The following ASAP2 variants were observed in gnomAD, a reference collection of about 807,000 sequenced individuals.
ASAP2 encodes arf-GAP with SH3 domain, ANK repeat and PH domain-containing protein 2.
Under a neutral mutation model 131.4 loss-of-function variants are expected in ASAP2, and 45 were observed. The observed-to-expected ratio is 0.34, with a 90% CI of 0.27 to 0.44. ASAP2 has a LOEUF of 0.44. ASAP2 is among the 20% of genes least tolerant of loss of function. ASAP2 has a pLI of 1.00. For missense variants in ASAP2, 1,011 were observed against 1,297.0 expected (o/e 0.78, Z 3.39); for synonymous variants, 510 against 503.0 (o/e 1.01, Z -0.19).
Position 9,297,388 on chromosome 2 carries a change from T to C in ASAP2, c.288T>C (p.Ser96=), listed in dbSNP as rs1668214756. 6.2e-7 allele frequency: 1 copy of C among 1,614,040 alleles called. No individual in the cohort carries two copies. ...CVCRDDPDLG[S]AFLKFSVFTK... The stretch of plus-strand genomic sequence containing the variant: ...GCAGAGATGACCCAGATTTAGGAAG[T>C]GCGTTCCTGAAGTTCTCAGTGTTTA... The change falls in exon 3 of 28, where the codon AGT becomes AGC. Residue 96 remains serine, a synonymous_variant. Coordinates refer to ENST00000281419, the MANE Select transcript of ASAP2 (RefSeq NM_003887.3).
intron 3 of ASAP2, among the ~76,000 whole-genome samples, chr2:9,310,431 G>A (rs754730540): frequency 2.0e-5 from 3 of 152,232 alleles, no homozygotes. Flanking sequence ...GCCCTGGGAA[G>A]ACCTGTTATT....
chr2:9,326,949 G>A lies in ASAP2; in HGVS notation c.601-877G>A, dbSNP rs914671201. 3.2e-4 allele frequency among the ~76,000 whole-genome samples: 48 copies of A among 152,178 alleles called. 1 individual carries two copies. Among genetic ancestry groups the A allele is most frequent in the African/African-American group, 1.1e-3 (46 of 41,530 alleles). ...AATTTCTAGGTCAAAATGTACATAC[G>A]TTTAAAAATTTGATACATTACCAAA... On this transcript the variant is annotated intron_variant, in intron 6 of 27. Transcript: ENST00000281419.
At chr2:9,296,136 T>C (rs1274215202) in intron 2 of ASAP2, among the ~76,000 whole-genome samples, 1 of 152,250 alleles carries the variant, frequency 6.6e-6, no homozygotes, top group Non-Finnish European at 1.5e-5. Context: ...ACCGCAGGTC[T>C]GGCTGCCCTG....
chr2:9,356,461 C>A, intron 14 of ASAP2, 116 bp downstream of exon 14: 1 of 1,208,264 alleles, frequency 8.3e-7, no homozygotes, highest in Non-Finnish European at 1.1e-6. Context: ...AAGTGCAGCT[C>A]AGCCTGAGTT....
At chr2:9,270,850 T>C (rs2666211) in intron 1 of ASAP2, among the ~76,000 whole-genome samples, 132,960 of 141,238 alleles carry the variant, frequency 0.94, 62,885 homozygotes, top group Non-Finnish European at 0.99. Flanking sequence ...TGGAGTGCAG[T>C]GGCGCGATCT....
intron 1 of ASAP2, among the ~76,000 whole-genome samples, chr2:9,241,139 A>G (rs928685314): frequency 1.3e-5 from 2 of 152,236 alleles, no homozygotes; most frequent in African/African-American, 2.4e-5. Context: ...AGAGGGTAGT[A>G]CTGTATCTGG....
At chr2:9,276,322 G>A (rs1027237298) in intron 1 of ASAP2, among the ~76,000 whole-genome samples, 5 of 152,202 alleles carry the variant, frequency 3.3e-5, no homozygotes, top group African/African-American at 1.2e-4. Flanking sequence ...GAAGACAGCA[G>A]GGGGAGGGGG....
intron 1 of ASAP2, among the ~76,000 whole-genome samples, chr2:9,266,526 G>A (rs542266282): frequency 6.6e-6 from 1 of 152,236 alleles, no homozygotes; most frequent in South Asian, 2.1e-4. Context: ...GCGTCTGCAT[G>A]TACACAGGCC....
At position 9,327,805 on chromosome 2, in the gene ASAP2, T is replaced by A. The variant is rs73148715; in HGVS notation, c.601-21T>A. On this transcript the variant is annotated intron_variant, in intron 6 of 27. Coordinates refer to ENST00000281419, the MANE Select transcript of ASAP2 (RefSeq NM_003887.3). Reference sequence around the variant, plus strand: ...CGTATTCTGCTTACTTCCATGACATTTCCTTTTCATTGTTCAACAGTATCT... The same window carrying A: ...CGTATTCTGCTTACTTCCATGACATATCCTTTTCATTGTTCAACAGTATCT... 5,729 of 1,562,912 alleles carry A rather than the reference T, an allele frequency of 3.7e-3. 192 individuals are homozygous for A. In the African/African-American group the frequency reaches 0.069, roughly 19 times the overall value.
chr2:9,322,254 C>T (rs1214851970), intron 5 of ASAP2, among the ~76,000 whole-genome samples: 1 of 152,192 alleles, frequency 6.6e-6, no homozygotes, highest in African/African-American at 2.4e-5. Context: ...TTTCTTGCCT[C>T]TTCTTAAACA....
At chr2:9,235,226 GT>G (rs1663461487) in intron 1 of ASAP2, among the ~76,000 whole-genome samples, 1 of 152,200 alleles carries the variant, frequency 6.6e-6, no homozygotes, top group African/African-American at 2.4e-5. Flanking sequence ...AACCTGATGA[GT>G]TAGATGACCT....
At chr2:9,353,034 G>T (rs573027241) in intron 12 of ASAP2, among the ~76,000 whole-genome samples, 4 of 152,216 alleles carry the variant, frequency 2.6e-5, no homozygotes, top group Admixed American at 6.5e-5. Context: ...GCAGGGGTAT[G>T]TGGGTTTGGG....
Position 9,392,550 on chromosome 2 carries a change from G to A in ASAP2, c.2519-932G>A, listed in dbSNP as rs1420019492. ...AAGGCGAACACACCAAAGGCCAGAA[G>A]GAACCACTTTCCTGCCTCTCCGTCT... On this transcript the variant is annotated intron_variant, in intron 23 of 27. Coordinates refer to ENST00000281419, the MANE Select transcript of ASAP2 (RefSeq NM_003887.3). The surrounding 1 kb of genome is among the most constrained non-coding windows in gnomAD (Gnocchi z 4.0). Among the ~76,000 whole-genome samples, 2 of 152,222 alleles carry A rather than the reference G, an allele frequency of 1.3e-5. No individual in the cohort carries two copies. Among genetic ancestry groups the A allele is most frequent in the Non-Finnish European group, 2.9e-5 (2 of 68,046 alleles).
chr2:9,401,182 C>T (rs886660577), intron 26 of ASAP2, 92 bp from the exon 27 acceptor site: 20 of 1,532,416 alleles, frequency 1.3e-5, no homozygotes, highest in Non-Finnish European at 1.8e-5. Context: ...GTACGGGACT[C>T]CTGAGACCGG....
chr2:9,317,266 C>A (rs1669780088), intron 3 of ASAP2, among the ~76,000 whole-genome samples: 1 of 150,980 alleles, frequency 6.6e-6, no homozygotes. Context: ...GCATCACACA[C>A]ACTCATATCC....
At chr2:9,368,009 C>G (rs757560050) in intron 15 of ASAP2, among the ~76,000 whole-genome samples, 5 of 152,194 alleles carry the variant, frequency 3.3e-5, no homozygotes, top group Non-Finnish European at 7.3e-5. Context: ...TGAGTCTTAG[C>G]TTTCCTGGCT....
At chr2:9,387,213 C>CAA (rs60187435) in intron 21 of ASAP2, among the ~76,000 whole-genome samples, 7 of 95,250 alleles carry the variant, frequency 7.3e-5, no homozygotes, top group East Asian at 5.6e-4. Context: ...GACTCTGTCT[C>CAA]AAAAAAAAAA....
chr2:9,277,665 A>C (rs1666843294), intron 1 of ASAP2, among the ~76,000 whole-genome samples: 2 of 152,194 alleles, frequency 1.3e-5, no homozygotes, highest in African/African-American at 2.4e-5. Context: ...AACATCCCGC[A>C]CTACAAGTGG....
intron 16 of ASAP2, among the ~76,000 whole-genome samples, chr2:9,373,689 G>A (rs1056589187): frequency 4.6e-5 from 7 of 152,232 alleles, no homozygotes; most frequent in Non-Finnish European, 8.8e-5. Context: ...GGAACCGTGC[G>A]GGGACTCCAG....
Sources: gnomAD v4.1 joint callset for allele counts (sites outside exome capture counted in the v4.1 genomes callset) on GRCh38, gnomAD v4.1.1 for gene constraint, Gnocchi (gnomAD v3.1) non-coding constraint, MANE v1.5 for transcripts, NCBI Gene and HGNC (gene_info 2026-07-23, HGNC 2026-07-21) for gene names.